Variants in MROH2A observed in about 807,000 individuals in gnomAD.
MROH2A encodes the protein maestro heat-like repeat-containing protein family member 2A.
A neutral mutation model predicts 200.4 loss-of-function variants in MROH2A; 174 were observed. That is an observed-to-expected ratio of 0.87 (90% confidence interval 0.77 to 0.98). The LOEUF is 0.98. MROH2A is among the 50% of genes least tolerant of loss of function. MROH2A has a pLI of 0.00. For missense variants in MROH2A, 2,045 were observed against 2,139.6 expected, an observed-to-expected ratio of 0.96 and a Z score of 0.87; for synonymous variants, 829 against 840.4, an observed-to-expected ratio of 0.99 and a Z score of 0.23.
chr2:233,819,355 G>C lies in MROH2A; in HGVS notation c.3243G>C (p.Ser1081=), dbSNP rs545562943. Residue 1081 remains serine (S), a synonymous_variant, in exon 30 of 42, where the codon TCG becomes TCC. Transcript: ENST00000389758. ...AGTTTAGCTGCGATGAGGTGGTCTC[G>C]CTCATCCAGAAGCTCTGCGAGAACA... The part of the protein sequence containing the change: ...CMEFSCDEVV[S]LIQKLCENTG... The C allele has an allele frequency of 2.6e-5, 41 of 1,550,376 alleles. No homozygotes were observed. Among genetic ancestry groups the C allele is most frequent in the Non-Finnish European group, 3.6e-5 (41 of 1,146,894 alleles).
At chr2:233,777,551 A>G (rs569353600), upstream of MROH2A, among the ~76,000 whole-genome samples, 13 of 152,356 alleles carry the variant, frequency 8.5e-5, no homozygotes, top group South Asian at 2.7e-3. Flanking sequence ...GCATGATAAG[A>G]AAGCTCATTT....
chr2:233,781,252 A>G (rs1158973863), intron 3 of MROH2A, among the ~76,000 whole-genome samples: 3 of 152,204 alleles, frequency 2.0e-5, no homozygotes, highest in African/African-American at 7.2e-5. Context: ...ATACACACCC[A>G]GTAGTAGAAT....
At chr2:233,788,678 C>A (rs1448513063) in intron 3 of MROH2A, among the ~76,000 whole-genome samples, 2 of 152,046 alleles carry the variant, frequency 1.3e-5, no homozygotes, top group East Asian at 3.9e-4. Flanking sequence ...TGGCTCACGC[C>A]TGTAATCCCA....
chr2:233,813,841 C>A, intron 25 of MROH2A, 63 bp downstream of exon 25: 1 of 897,934 alleles, frequency 1.1e-6, no homozygotes, highest in Non-Finnish European at 1.8e-6. Flanking sequence ...TTAACATGGG[C>A]CATGCTGAGA....
chr2:233,815,761 C>T (rs1575987853), intron 26 of MROH2A, among the ~76,000 whole-genome samples: 1 of 148,784 alleles, frequency 6.7e-6, no homozygotes, highest in East Asian at 1.9e-4. Context: ...GCCTATGGTA[C>T]ACCAATACTG....
At chr2:233,788,019 T>C (rs71423612) in intron 3 of MROH2A, among the ~76,000 whole-genome samples, 19 of 82,566 alleles carry the variant, frequency 2.3e-4, no homozygotes, top group East Asian at 1.8e-3. Flanking sequence ...ATATATTATA[T>C]ATACATATAT....
intron 11 of MROH2A, among the ~76,000 whole-genome samples, chr2:233,797,611 C>T (rs1702201244): frequency 6.6e-6 from 1 of 152,168 alleles, no homozygotes; most frequent in South Asian, 2.1e-4. Flanking sequence ...TATGCATAAA[C>T]AGGTCTGAAG....
At chr2:233,804,900 AG>A in intron 18 of MROH2A, 103 bp from the exon 19 acceptor site, 1 of 634,578 alleles carries the variant, frequency 1.6e-6, no homozygotes, top group South Asian at 1.9e-5. Context: ...GGGAAGCGAG[AG>A]AGGGCAAGTC....
Position 233,792,783 on chromosome 2 carries a change from C to T in MROH2A, c.572-13C>T. On this transcript the variant is annotated splice_polypyrimidine_tract_variant and intron_variant, in intron 5 of 41. Transcript: ENST00000389758. Reference sequence around the variant, plus strand: ...GCCCCAACTTCCTGTAATCATCCCTCACAACCTCACAGTGTTTGAGTTCAT... The same window carrying T: ...GCCCCAACTTCCTGTAATCATCCCTTACAACCTCACAGTGTTTGAGTTCAT... The T allele has an allele frequency of 6.0e-6, 9 of 1,502,618 alleles. No homozygotes were observed. Among genetic ancestry groups the T allele is most frequent in the Non-Finnish European group, 8.2e-6 (9 of 1,103,824 alleles). 93.1% of individuals were successfully genotyped at this position (1,502,618 alleles called of 1,614,324 possible). A position where few individuals can be genotyped will look rare whatever the true frequency, so the allele number is the denominator to read the frequency against.
intron 3 of MROH2A, among the ~76,000 whole-genome samples, chr2:233,787,596 T>A (rs10666934): frequency 0.65 from 21,426 of 32,840 alleles, 8,919 homozygotes; most frequent in African/African-American, 0.71. Flanking sequence ...CATATATATA[T>A]TATATATTAT....
At chr2:233,803,107 G>A (rs1575955572) in intron 15 of MROH2A, among the ~76,000 whole-genome samples, 1 of 152,182 alleles carries the variant, frequency 6.6e-6, no homozygotes, top group African/African-American at 2.4e-5. Context: ...GAATGGCAGT[G>A]TCTAATTACT....
At position 233,819,997 on chromosome 2, in the gene MROH2A, G is replaced by A. The variant is rs1053484471; in HGVS notation, c.3453G>A (p.Ala1151=). 1.5e-5 allele frequency: 23 copies of A among 1,546,118 alleles called. No homozygotes were observed. The African/African-American group carries it at 2.6e-4, about 18-fold the overall frequency. The change falls in exon 31 of 42, where the codon GCG becomes GCA. Residue 1151 remains alanine, a synonymous_variant. Coordinates refer to ENST00000389758, the MANE Select transcript of MROH2A (RefSeq NM_001394639.1). ...TCATTGACGGCATCCTGCTGCTGGC[G>A]CACCACCACCAGGAGACCATCCTCA... ...RLLIDGILLL[A]HHHQETILTS...
intron 39 of MROH2A, 80 bp downstream of exon 39, chr2:233,831,620 G>A: frequency 1.4e-6 from 2 of 1,456,178 alleles, no homozygotes; most frequent in Non-Finnish European, 1.8e-6. Context: ...GATTGCCACA[G>A]CTCTTTCTTG....
At position 233,828,957 on chromosome 2, in the gene MROH2A, G is replaced by A. The variant is rs1392662363; in HGVS notation, c.4331G>A (p.Ser1444Asn). ...LGPLREPVSN[S>N]VTAEGMEALT... The stretch of plus-strand genomic sequence containing the variant: ...CCCCTGAGGGAGCCCGTGAGCAACA[G>A]CGTGACTGCCGAGGGCATGGAGGCC... The change falls in exon 37 of 42, where the codon AGC becomes AAC. Residue 1444 changes from serine to asparagine, a missense_variant. Coordinates refer to ENST00000389758, the MANE Select transcript of MROH2A (RefSeq NM_001394639.1). This position sits in a 1 kb window ranked among gnomAD's most constrained non-coding sequence, Gnocchi z 4.6. 3.2e-6 allele frequency: 5 copies of A among 1,550,572 alleles called. No homozygotes were observed. The highest frequency in any genetic ancestry group is 4.4e-6 in the Non-Finnish European group (5 of 1,146,988).
rs1701968277 is a variant in MROH2A at position 233,794,360 on chromosome 2, C to T, written c.823-3C>T. Reference sequence around the variant, plus strand: ...GCGTCCCAGAGCTGGTTTCTGGTGGCAGGTGAAGCTGGGGGTGATCAAGTC... The same window carrying T: ...GCGTCCCAGAGCTGGTTTCTGGTGGTAGGTGAAGCTGGGGGTGATCAAGTC... On this transcript the variant is annotated splice_polypyrimidine_tract_variant and splice_region_variant and intron_variant, in intron 7 of 41. Coordinates refer to ENST00000389758, the MANE Select transcript of MROH2A (RefSeq NM_001394639.1). 2 of 1,548,304 alleles carry T rather than the reference C, an allele frequency of 1.3e-6. No homozygotes were observed. The highest frequency in any genetic ancestry group is 2.7e-5 in the African/African-American group (2 of 72,976).
chr2:233,787,236 G>C (rs1311945084), intron 3 of MROH2A, among the ~76,000 whole-genome samples: 1 of 151,776 alleles, frequency 6.6e-6, no homozygotes, highest in Non-Finnish European at 1.5e-5. Flanking sequence ...CTGGCTATTT[G>C]TACAGGGTGC....
At chr2:233,806,738 G>A (rs577566964) in intron 19 of MROH2A, among the ~76,000 whole-genome samples, 1 of 152,050 alleles carries the variant, frequency 6.6e-6, no homozygotes, top group African/African-American at 2.4e-5. Context: ...CGTATAACAT[G>A]CCTGCCCTTA....
At chr2:233,823,777 G>T (rs954544615) in intron 35 of MROH2A, 113 bp downstream of exon 35, 3 of 1,351,752 alleles carry the variant, frequency 2.2e-6, no homozygotes, top group Admixed American at 4.3e-5. Flanking sequence ...ACAGGCGAGC[G>T]CCCCTCCTCT....
Position 233,829,734 on chromosome 2 carries a change from C to G in MROH2A, c.4561C>G (p.Leu1521Val), listed in dbSNP as rs1382188174. 6.8e-7 allele frequency: 1 copy of G among 1,473,410 alleles called. No individual in the cohort carries two copies. The allele number at this position is 1,473,410 out of a possible 1,614,324, so 91.3% of individuals were successfully genotyped here. ...KGEVKKAWIP[L>V]MLHSQDPCSN... is the part of the protein sequence containing the mutation. ...GGAGGTGAAGAAGGCCTGGATCCCCCTCATGCTGCACTCCCAGGACCCCTG... is the reference window on the plus strand; with the variant it reads ...GGAGGTGAAGAAGGCCTGGATCCCCGTCATGCTGCACTCCCAGGACCCCTG... Residue 1521 changes from leucine (L) to valine (V), a missense_variant, in exon 38 of 42, where the codon CTC becomes GTC. Leu to Val is a conservative substitution (Grantham distance 32). Coordinates refer to ENST00000389758, the MANE Select transcript of MROH2A (RefSeq NM_001394639.1).
Sources: allele counts gnomAD v4.1 joint callset (sites outside exome capture counted in the v4.1 genomes callset), GRCh38; gene constraint gnomAD v4.1.1; non-coding constraint Gnocchi (gnomAD v3.1); transcripts MANE v1.5; gene names NCBI Gene and HGNC (gene_info 2026-07-23, HGNC 2026-07-21).